The following GTPBP6 variants were observed in gnomAD, a reference collection of about 807,000 sequenced individuals.
The protein encoded by GTPBP6 is GTP binding protein 6.
GTPBP6 carries 33 observed loss-of-function variants against 28.9 expected under a neutral mutation model. The observed-to-expected ratio is 1.14, with a 90% CI of 0.87 to 1.53. GTPBP6 has a LOEUF of 1.53. Among genes scored for constraint, GTPBP6 ranks in the 40% most tolerant of loss-of-function variants. GTPBP6 has a pLI of 0.00. For missense variants in GTPBP6, 507 were observed against 408.3 expected, an observed-to-expected ratio of 1.24 and a Z score of -2.08; for synonymous variants, 231 against 192.7, an observed-to-expected ratio of 1.20 and a Z score of -1.65.
intron 1 of GTPBP6, among the ~76,000 whole-genome samples, chrX:317,517 C>CT (rs1231167964): frequency 2.1e-5 from 3 of 139,760 alleles, no homozygotes; most frequent in Non-Finnish European, 4.5e-5. Context: ...TTATGAGACT[C>CT]TGACACGTGC....
At chrX:306,205 C>T (rs1282349267) in intron 9 of GTPBP6, among the ~76,000 whole-genome samples, 1 of 151,560 alleles carries the variant, frequency 6.6e-6, no homozygotes, top group Non-Finnish European at 1.5e-5. Flanking sequence ...CAGAAATGTA[C>T]ATTTTGACTG....
chrX:315,813 G>GAC (rs1170984270), intron 2 of GTPBP6, among the ~76,000 whole-genome samples: 93 of 1,108 alleles, frequency 0.084, 44 homozygotes, highest in African/African-American at 0.12. Flanking sequence ...TACACACGCA[G>GAC]ACACACACAC....
At chrX:315,579 C>CACAA (rs2070416566) in intron 2 of GTPBP6, among the ~76,000 whole-genome samples, 2 of 54,292 alleles carry the variant, frequency 3.7e-5, no homozygotes, top group African/African-American at 1.7e-4. Context: ...CACACACACA[C>CACAA]ACACACAGTA....
chrX:318,103 G>C (rs2070474043), intron 1 of GTPBP6, among the ~76,000 whole-genome samples: 1 of 134,638 alleles, frequency 7.4e-6, no homozygotes, highest in Admixed American at 7.4e-5. Flanking sequence ...TCAAAGCCCC[G>C]CCCTGGGTCT....
intron 9 of GTPBP6, among the ~76,000 whole-genome samples, chrX:305,755 G>C (rs1244745100): frequency 6.7e-6 from 1 of 150,328 alleles, no homozygotes; most frequent in Non-Finnish European, 1.5e-5. Flanking sequence ...CTCCCGAGTA[G>C]CTGGGACTAC....
At chrX:311,251 A>T (rs1299559442) in intron 7 of GTPBP6, among the ~76,000 whole-genome samples, 168 bp downstream of exon 7, 3,146 of 75,368 alleles carry the variant, frequency 0.042, 279 homozygotes, top group African/African-American at 0.14. Context: ...CCCCGTGCCC[A>T]GTGGGTGTCC....
At chrX:305,291 C>T in intron 9 of GTPBP6, 94 bp from the exon 10 acceptor site, 1 of 892,918 alleles carries the variant, frequency 1.1e-6, no homozygotes, top group Non-Finnish European at 1.8e-6. Flanking sequence ...GAGCTTAGCT[C>T]AAACCATTCA....
intron 8 of GTPBP6, 91 bp downstream of exon 8, chrX:307,641 G>A: frequency 7.0e-7 from 1 of 1,422,882 alleles, no homozygotes; most frequent in Non-Finnish European, 9.4e-7. Flanking sequence ...TGCCACCGCT[G>A]CGGTTCACAC....
In GTPBP6 at chrX:312,749, C is replaced by A. The variant is rs758382207; in HGVS notation, c.916+17G>T. On this transcript the variant is annotated intron_variant, in intron 6 of 9. Transcript: ENST00000326153. Reference sequence around the variant, plus strand: ...CACGGAGACCGCGGAAGGCCCCTCCCCTGGGCGCGTGCTCACCGCAGTTGG... The same window carrying A: ...CACGGAGACCGCGGAAGGCCCCTCCACTGGGCGCGTGCTCACCGCAGTTGG... 6.3e-7 allele frequency: 1 copy of A among 1,595,876 alleles called. No individual in the cohort carries two copies. The highest frequency in any genetic ancestry group is 8.5e-7 in the Non-Finnish European group (1 of 1,172,566).
At chrX:317,478 A>G (rs1303549267) in intron 1 of GTPBP6, among the ~76,000 whole-genome samples, 2 of 147,554 alleles carry the variant, frequency 1.4e-5, no homozygotes, top group African/African-American at 5.1e-5. Flanking sequence ...CTCATCGACT[A>G]CAGGAGCTTC....
Position 315,311 on chromosome X carries a change from A to AG in GTPBP6, c.488-13dup, listed in dbSNP as rs1185705862. 2.5e-6 allele frequency: 1 copy of AG among 398,472 alleles called. No individual in the cohort carries two copies. The highest frequency in any genetic ancestry group is 3.6e-5 in the East Asian group (1 of 28,056). 24.7% of individuals were successfully genotyped at this position (398,472 alleles called of 1,614,324 possible). ...CCCTCGGATCTTTTCTAACAGAAAG[A>AG]GGGGGTCCCGTCAGAGGCTGGCCGT... is the stretch of plus-strand genomic sequence containing the variant. On this transcript the variant is annotated splice_polypyrimidine_tract_variant and intron_variant, in intron 2 of 9. Coordinates refer to ENST00000326153, the Ensembl canonical transcript of GTPBP6.
At chrX:308,333 A>G (rs1259175477) in intron 7 of GTPBP6, among the ~76,000 whole-genome samples, 3 of 132,622 alleles carry the variant, frequency 2.3e-5, no homozygotes, top group African/African-American at 1.2e-4. Flanking sequence ...AAACACAGGG[A>G]AAAAAAAATA....
chrX:315,321 G>C lies in GTPBP6; in HGVS notation c.488-22C>G, dbSNP rs1214354687. The C allele has an allele frequency of 1.2e-3, 492 of 398,386 alleles. 4 individuals are homozygous for C. The highest frequency in any genetic ancestry group is 9.3e-3 in the African/African-American group (452 of 48,730). 24.7% of individuals were successfully genotyped at this position (398,386 alleles called of 1,614,324 possible). ...TTTTCTAACAGAAAGAGGGGGTCCC[G>C]TCAGAGGCTGGCCGTCCACACCCGT... is the stretch of plus-strand genomic sequence containing the variant. On this transcript the variant is annotated intron_variant, in intron 2 of 9. Coordinates refer to ENST00000326153, the Ensembl canonical transcript of GTPBP6.
chrX:312,619 C>T (rs1158726080), intron 6 of GTPBP6, 147 bp downstream of exon 6: 6 of 837,920 alleles, frequency 7.2e-6, no homozygotes, highest in Non-Finnish European at 9.9e-6. Flanking sequence ...ACACGGCGAC[C>T]ATGGGAACCC....
intron 1 of GTPBP6, among the ~76,000 whole-genome samples, chrX:317,768 ACCCCATAAGCTCCG>A (rs2070467218): frequency 8.1e-6 from 1 of 123,688 alleles, no homozygotes; most frequent in Non-Finnish European, 1.7e-5. Flanking sequence ...CACGGACTCC[ACCCCATAAGCTCCG>A]CCCCCGCACT....
intron 7 of GTPBP6, among the ~76,000 whole-genome samples, chrX:310,176 C>T (rs1376053832): frequency 6.7e-6 from 1 of 148,704 alleles, no homozygotes; most frequent in Non-Finnish European, 1.5e-5. Context: ...TATTTGGAAA[C>T]AGGGTCTCTG....
chrX:311,458 G>C (rs771978907), exon 7 of GTPBP6: 4 of 1,533,688 alleles, frequency 2.6e-6, no homozygotes, highest in Admixed American at 4.0e-5. Flanking sequence ...AGAAGGACTC[G>C]ATGAGGCCGT....
At chrX:313,494 T>TAG (rs2070357153) in intron 5 of GTPBP6, among the ~76,000 whole-genome samples, 1 of 147,278 alleles carries the variant, frequency 6.8e-6, no homozygotes, top group Non-Finnish European at 1.5e-5. Flanking sequence ...GATACAAGTG[T>TAG]AGCGGATTGA....
At chrX:311,899 G>A (rs1334832919) in intron 6 of GTPBP6, 12 of 600,882 alleles carry the variant, frequency 2.0e-5, no homozygotes, top group Non-Finnish European at 3.0e-5. Flanking sequence ...GTGGATGGGA[G>A]TGAGGTCGTC....
Sources: gnomAD v4.1 joint callset for allele counts (sites outside exome capture counted in the v4.1 genomes callset) on GRCh38, gnomAD v4.1.1 for gene constraint, MANE v1.5 for transcripts, NCBI Gene and HGNC (gene_info 2026-07-23, HGNC 2026-07-21) for gene names.